The following CHMP2B variants were observed in gnomAD, a reference collection of about 807,000 sequenced individuals.
CHMP2B encodes charged multivesicular body protein 2B.
CHMP2B carries 22 observed loss-of-function variants against 29.8 expected under a neutral mutation model. The ratio of observed to expected loss-of-function variants is 0.74; its 90% CI spans 0.53 to 1.05. The LOEUF (loss-of-function observed/expected upper bound fraction) is 1.05, where lower values mean the gene tolerates loss of function less well. Among genes scored for constraint, CHMP2B ranks in the 50% least tolerant of loss-of-function variants. CHMP2B has a pLI of 0.00. For synonymous variants in CHMP2B, 78 were observed against 75.8 expected (o/e 1.03, Z -0.15); for missense variants, 261 against 252.2 (o/e 1.03, Z -0.24).
intron 1 of CHMP2B, 43 bp downstream of exon 1, chr3:87,227,599 C>G (rs1705835175): frequency 6.2e-7 from 1 of 1,613,388 alleles, no homozygotes; most frequent in Non-Finnish European, 8.5e-7. Context: ...TCTGCGTTTT[C>G]TCGGCGTCTT....
intron 1 of CHMP2B, among the ~76,000 whole-genome samples, chr3:87,235,597 T>TA (rs1705992567): frequency 1.3e-5 from 2 of 152,216 alleles, no homozygotes; most frequent in South Asian, 4.1e-4. Context: ...TACATATAGT[T>TA]ACATTATATT....
In CHMP2B at chr3:87,227,369, T is replaced by C. The variant is rs1413566942; in HGVS notation, c.-154T>C. ...GCTGCGGTAGCTGCGGATACAAGCC[T>C]TCCGCGGGTCCTGCCTGGCGACCCC... On this transcript the variant is annotated 5_prime_UTR_variant, in exon 1 of 6. Coordinates refer to ENST00000263780, the MANE Select transcript of CHMP2B (RefSeq NM_014043.4). The C allele has an allele frequency of 1.3e-6, 1 of 768,508 alleles. No homozygotes were observed. Among genetic ancestry groups the C allele is most frequent in the Non-Finnish European group, 2.3e-6 (1 of 442,378 alleles). 47.6% of individuals were successfully genotyped at this position (768,508 alleles called of 1,614,324 possible).
Position 87,254,906 on chromosome 3 carries a change from A to T in CHMP2B, c.*1084A>T, listed in dbSNP as rs1007175809. ...TCACATTTTTTGATAAATAAACTAC[A>T]GTTTTACCAGAAATTACTATCTAAA... On this transcript the variant is annotated 3_prime_UTR_variant, in exon 6 of 6. Coordinates refer to ENST00000263780, the MANE Select transcript of CHMP2B (RefSeq NM_014043.4). 1 of 152,026 alleles carries T rather than the reference A, an allele frequency of 6.6e-6. No individual in the cohort carries two copies. Among genetic ancestry groups the T allele is most frequent in the Admixed American group, 6.6e-5 (1 of 15,236 alleles). The allele number at this position is 152,026 out of a possible 1,614,324, so 9.4% of individuals were successfully genotyped here.
At chr3:87,231,473 T>C (rs1705908753) in intron 1 of CHMP2B, among the ~76,000 whole-genome samples, 1 of 152,182 alleles carries the variant, frequency 6.6e-6, no homozygotes, top group Admixed American at 6.5e-5. Flanking sequence ...TCCTGTAGCT[T>C]CATAGCCCTT....
chr3:87,250,269 T>C (rs1706291334), intron 4 of CHMP2B, among the ~76,000 whole-genome samples: 1 of 152,038 alleles, frequency 6.6e-6, no homozygotes, highest in Admixed American at 6.6e-5. Flanking sequence ...GTCAACTCTT[T>C]GATACTGTAG....
intron 5 of CHMP2B, 76 bp from the exon 6 acceptor site, chr3:87,253,636 T>A: frequency 7.2e-7 from 1 of 1,397,992 alleles, no homozygotes; most frequent in Non-Finnish European, 1.0e-6. Context: ...TAAACAGACC[T>A]CTTTACAGCA....
At chr3:87,244,579 A>G (rs1403702827) in intron 2 of CHMP2B, among the ~76,000 whole-genome samples, 1 of 151,916 alleles carries the variant, frequency 6.6e-6, no homozygotes, top group Non-Finnish European at 1.5e-5. Context: ...TCTTTAACCC[A>G]TGACTTATTT....
chr3:87,249,617 G>GT (rs1706277910), intron 3 of CHMP2B, among the ~76,000 whole-genome samples: 1 of 151,928 alleles, frequency 6.6e-6, no homozygotes, highest in Non-Finnish European at 1.5e-5. Flanking sequence ...TGCTGATAAT[G>GT]TTTTTTATTA....
intron 1 of CHMP2B, among the ~76,000 whole-genome samples, chr3:87,239,284 T>A (rs1483793737): frequency 7.1e-6 from 1 of 140,616 alleles, no homozygotes; most frequent in South Asian, 2.4e-4. Context: ...AAGTCCAATT[T>A]ATCTTTTTTT....
intron 3 of CHMP2B, among the ~76,000 whole-genome samples, chr3:87,246,919 A>G (rs1706223981): frequency 6.6e-6 from 1 of 152,216 alleles, no homozygotes; most frequent in Non-Finnish European, 1.5e-5. Flanking sequence ...TGAACTGCAC[A>G]GACCTTTGAG....
intron 2 of CHMP2B, among the ~76,000 whole-genome samples, chr3:87,243,264 A>G (rs1427282620): frequency 6.6e-6 from 1 of 152,002 alleles, no homozygotes; most frequent in Non-Finnish European, 1.5e-5. Context: ...TGTTCCAGGG[A>G]CACACCCCAC....
intron 1 of CHMP2B, among the ~76,000 whole-genome samples, chr3:87,240,101 C>CTG (rs148355989): frequency 0.034 from 5,121 of 152,028 alleles, 123 homozygotes; most frequent in African/African-American, 0.066. Context: ...ATATTAAACA[C>CTG]TATACTAATC....
intron 1 of CHMP2B, among the ~76,000 whole-genome samples, chr3:87,232,982 G>A (rs1015335682): frequency 1.3e-5 from 2 of 152,074 alleles, no homozygotes; most frequent in African/African-American, 4.8e-5. Flanking sequence ...TTACTAGTAG[G>A]AGAAAAAAAT....
intron 4 of CHMP2B, among the ~76,000 whole-genome samples, chr3:87,250,617 C>T (rs887357792): frequency 6.6e-6 from 1 of 151,840 alleles, no homozygotes; most frequent in Non-Finnish European, 1.5e-5. Flanking sequence ...ATACTCATGA[C>T]CTTGACATTA....
rs140013369 is a variant in CHMP2B at position 87,233,428 on chromosome 3, T to C, written c.34+5872T>C. ...ATATTTCTTTTTAATGCCTTAGCTT[T>C]TGAGTTTGTCATATTTTTGCAGTTT... On this transcript the variant is annotated intron_variant, in intron 1 of 5. Transcript: ENST00000263780. Among the ~76,000 whole-genome samples, 165 of 152,352 alleles carry C rather than the reference T, an allele frequency of 1.1e-3. 2 individuals are homozygous for C. The highest frequency in any genetic ancestry group is 3.9e-3 in the African/African-American group (162 of 41,578).
intron 2 of CHMP2B, 124 bp downstream of exon 2, chr3:87,240,914 G>A: frequency 1.4e-6 from 1 of 728,172 alleles, no homozygotes; most frequent in South Asian, 1.5e-5. Context: ...ATTAAGAAAT[G>A]GCAGTTAATG....
At chr3:87,227,587 G>C in intron 1 of CHMP2B, 31 bp downstream of exon 1, 18 of 1,614,052 alleles carry the variant, frequency 1.1e-5, no homozygotes, top group Non-Finnish European at 1.5e-5. Flanking sequence ...AAGGGGCCCA[G>C]CTCTGCGTTT....
intron 1 of CHMP2B, among the ~76,000 whole-genome samples, chr3:87,237,023 G>A (rs1465759062): frequency 6.6e-6 from 1 of 152,166 alleles, no homozygotes; most frequent in Non-Finnish European, 1.5e-5. Context: ...GGGGTAAGTG[G>A]TAAATGTTTT....
At chr3:87,250,714 T>G (rs1019267413) in intron 4 of CHMP2B, among the ~76,000 whole-genome samples, 4 of 151,932 alleles carry the variant, frequency 2.6e-5, no homozygotes, top group Admixed American at 6.6e-5. Context: ...CTTATGTTGG[T>G]CAATAAGATT....
Sources: gnomAD v4.1 joint callset for allele counts (sites outside exome capture counted in the v4.1 genomes callset) on GRCh38, gnomAD v4.1.1 for gene constraint, MANE v1.5 for transcripts, NCBI Gene and HGNC (gene_info 2026-07-23, HGNC 2026-07-21) for gene names.